The following PADI2 variants were observed in gnomAD, a reference collection of about 807,000 sequenced individuals.
The protein encoded by PADI2 is peptidyl arginine deiminase 2, also known as protein-arginine deiminase type-2.
PADI2 carries 70 observed loss-of-function variants against 81.1 expected under a neutral mutation model. That is an observed-to-expected ratio of 0.86 (90% CI 0.71 to 1.05). The LOEUF is 1.05. PADI2 is among the 50% of genes least tolerant of loss of function. The probability of loss-of-function intolerance (pLI) is 0.00; values close to 1 mark genes in which losing one functional copy is unlikely to be tolerated. For missense variants in PADI2, 853 were observed against 889.9 expected, an observed-to-expected ratio of 0.96 and a Z score of 0.53; for synonymous variants, 338 against 358.0, an observed-to-expected ratio of 0.94 and a Z score of 0.63.
At chr1:17,074,611 G>A (rs887266504) in intron 13 of PADI2, among the ~76,000 whole-genome samples, 2 of 152,120 alleles carry the variant, frequency 1.3e-5, no homozygotes, top group Non-Finnish European at 2.9e-5. Flanking sequence ...TTGAAGATGC[G>A]CTATGCACTG....
intron 4 of PADI2, 131 bp downstream of exon 4, chr1:17,095,778 T>C: frequency 1.5e-6 from 1 of 652,392 alleles, no homozygotes; most frequent in Admixed American, 2.5e-5. Flanking sequence ...ATCATTGGTA[T>C]GCTGTGTGTC....
chr1:17,094,196 G>C (rs957958524), intron 4 of PADI2, among the ~76,000 whole-genome samples: 54 of 152,324 alleles, frequency 3.5e-4, no homozygotes, highest in African/African-American at 1.1e-3. Flanking sequence ...AGCCAGGTCA[G>C]GGGCTCCCAG....
intron 3 of PADI2, among the ~76,000 whole-genome samples, chr1:17,097,639 C>T (rs1036371344): frequency 3.3e-5 from 5 of 152,142 alleles, no homozygotes; most frequent in African/African-American, 4.8e-5. Flanking sequence ...GCATTGCTCT[C>T]GTTTCACAGG....
intron 3 of PADI2, among the ~76,000 whole-genome samples, chr1:17,098,096 C>G (rs557510210): frequency 2.0e-5 from 3 of 152,248 alleles, no homozygotes; most frequent in South Asian, 4.1e-4. Context: ...AAGTGACCAC[C>G]GAAGTTCCCA....
In PADI2 at chr1:17,119,303, G is replaced by C; in HGVS notation, c.69C>G (p.Thr23=). The change falls in exon 1 of 16, where the codon ACC becomes ACG. Residue 23 remains threonine, a synonymous_variant. Transcript: ENST00000375486. This position sits in a 1 kb window ranked among gnomAD's most constrained non-coding sequence, Gnocchi z 4.8. ...SRVEAVYVLG[T]YLWTDVYSAA... ...ACCTGTAGACATCGGTCCAGAGGTA[G>C]GTGCCCAGCACGTACACCGCCTCCA... is the stretch of plus-strand genomic sequence containing the variant. The C allele has an allele frequency of 6.4e-7, 1 of 1,560,116 alleles. No homozygotes were observed. The highest frequency in any genetic ancestry group is 8.7e-7 in the Non-Finnish European group (1 of 1,153,354).
In PADI2 at chr1:17,104,534, AC is replaced by A. The variant is rs1438215254; in HGVS notation, c.276+343del. Among the ~76,000 whole-genome samples the A allele has an allele frequency of 1.3e-3, 173 of 129,634 alleles. 1 individual carries two copies. The highest frequency in any genetic ancestry group is 4.8e-3 in the African/African-American group (165 of 34,514). The allele number at this position is 129,634 out of a possible 152,430, so 85.0% of individuals were successfully genotyped here. A position where few individuals can be genotyped will look rare whatever the true frequency, so the allele number is the denominator to read the frequency against. ...ACTGCAAGCTCCGCCTCCCGGGTTC[AC>A]GCCATTCTCCTGCCTCAGCCTCCCA... On this transcript the variant is annotated intron_variant, in intron 2 of 15. Transcript: ENST00000375486.
In PADI2 at chr1:17,074,884, G is replaced by T; in HGVS notation, c.1521C>A (p.Asp507Glu). ...TGAACATGATGGCCTCTCCATGGCC[G>T]TCCTTCTGCTTCTCTCGGAAGAGCT... ...CYKLFREKQK[D>E]GHGEAIMFKG... Residue 507 changes from aspartate (D) to glutamate (E), a missense_variant, in exon 13 of 16, where the codon GAC becomes GAA. By Grantham distance (45) the Asp-to-Glu change is conservative (BLOSUM62 2). Coordinates refer to ENST00000375486, the MANE Select transcript of PADI2 (RefSeq NM_007365.3). 6.2e-7 allele frequency: 1 copy of T among 1,612,650 alleles called. No homozygotes were observed. The highest frequency in any genetic ancestry group is 8.5e-7 in the Non-Finnish European group (1 of 1,179,264).
chr1:17,075,344 A>G (rs960729220), intron 12 of PADI2: 1 of 339,334 alleles, frequency 2.9e-6, no homozygotes, highest in Non-Finnish European at 5.4e-6. Context: ...CACTAGCCTT[A>G]TGTGACTATT....
At position 17,104,986 on chromosome 1, in the gene PADI2, C is replaced by A. The variant is rs773215948; in HGVS notation, c.168G>T (p.Gly56=). The change falls in exon 2 of 16, where the codon GGG becomes GGT. Residue 56 remains glycine (G), a synonymous_variant. Coordinates refer to ENST00000375486, the MANE Select transcript of PADI2 (RefSeq NM_007365.3). ...EHVWVEVVRD[G]EAEEVATNGK... is the part of the protein sequence containing the mutation. ...CATTGGTGGCCACCTCCTCAGCCTC[C>A]CCATCACGCACCACCTCCACCCACA... 1 of 1,606,682 alleles carries A rather than the reference C, an allele frequency of 6.2e-7. No homozygotes were observed. The highest frequency in any genetic ancestry group is 8.5e-7 in the Non-Finnish European group (1 of 1,177,156).
intron 1 of PADI2, among the ~76,000 whole-genome samples, chr1:17,109,488 GTTTA>G (rs1231640831): frequency 7.1e-6 from 1 of 141,000 alleles, no homozygotes; most frequent in Admixed American, 7.3e-5. Context: ...TACTACTATT[GTTTA>G]TTTATTTATT....
intron 2 of PADI2, 132 bp downstream of exon 2, chr1:17,104,746 T>C: frequency 1.3e-6 from 1 of 784,720 alleles, no homozygotes; most frequent in Non-Finnish European, 1.9e-6. Context: ...TTTTGCCTTT[T>C]CAATGTGGTT....
intron 8 of PADI2, among the ~76,000 whole-genome samples, 158 bp from the exon 9 acceptor site, chr1:17,083,995 T>C (rs2078366694): frequency 6.6e-6 from 1 of 152,074 alleles, no homozygotes; most frequent in South Asian, 2.1e-4. Context: ...GCCGCTGGAA[T>C]CAAAGGCCAA....
intron 1 of PADI2, 96 bp from the exon 2 acceptor site, chr1:17,105,157 T>C: frequency 1.2e-6 from 1 of 847,758 alleles, no homozygotes; most frequent in Non-Finnish European, 1.7e-6. Context: ...CTTTGGGAGG[T>C]CAAAGCCCGA....
chr1:17,117,829 C>T (rs1478927923), intron 1 of PADI2, among the ~76,000 whole-genome samples: 2 of 152,198 alleles, frequency 1.3e-5, no homozygotes, highest in Admixed American at 1.3e-4. Context: ...CACTCCCTAG[C>T]GGTGCCCAGT....
intron 1 of PADI2, among the ~76,000 whole-genome samples, chr1:17,105,636 C>T (rs577579960): frequency 1.4e-3 from 216 of 152,136 alleles, no homozygotes; most frequent in African/African-American, 4.9e-3. Flanking sequence ...TCAGGTGATC[C>T]GCCTGCCTTG....
rs780151901 is a variant in PADI2, at chr1:17,119,403, C to T, written c.-32G>A. The T allele has an allele frequency of 8.1e-6, 12 of 1,486,634 alleles. No individual in the cohort carries two copies. The highest frequency in any genetic ancestry group is 1.1e-5 in the Non-Finnish European group (12 of 1,107,278). 92.1% of individuals were successfully genotyped at this position (1,486,634 alleles called of 1,614,324 possible). ...CGCCGCAGTGCCCGCGCTCGCTGGT[C>T]CGGGGCGGCCGGGAGCACCTGCAGC... is the stretch of plus-strand genomic sequence containing the variant. On this transcript the variant is annotated 5_prime_UTR_variant, in exon 1 of 16. Transcript: ENST00000375486. The surrounding 1 kb of genome is among the most constrained non-coding windows in gnomAD (Gnocchi z 4.8).
chr1:17,093,573 T>C lies in PADI2; in HGVS notation c.523A>G (p.Lys175Glu), dbSNP rs760899377. The part of the protein sequence containing the change: ...EDCRDEKVYS[K>E]EDLKDMSQMI... ...GTGCAGGGCCTGCTGGCACCTTCCT[T>C]GCTGTAGACCTTCTCATCACGGCAG... The change falls in exon 5 of 16, where the codon AAG (lysine) becomes GAG (glutamate). Residue 175 changes from lysine (K) to glutamate (E), a missense_variant. Physicochemically the swap from Lys to Glu is moderately conservative, Grantham distance 56 (BLOSUM62 1). Coordinates refer to ENST00000375486, the MANE Select transcript of PADI2 (RefSeq NM_007365.3). The C allele has an allele frequency of 1.2e-6, 2 of 1,603,180 alleles. No individual in the cohort carries two copies. Among genetic ancestry groups the C allele is most frequent in the Non-Finnish European group, 1.7e-6 (2 of 1,170,560 alleles).
intron 7 of PADI2, among the ~76,000 whole-genome samples, chr1:17,085,480 A>G (rs966048161): frequency 1.3e-5 from 2 of 152,196 alleles, no homozygotes; most frequent in Admixed American, 1.3e-4. Flanking sequence ...CCCGTCCCCT[A>G]TCCTGTTAGC....
chr1:17,083,952 T>C, intron 8 of PADI2, 115 bp from the exon 9 acceptor site: 2 of 703,248 alleles, frequency 2.8e-6, no homozygotes, highest in South Asian at 3.2e-5. Flanking sequence ...GGCAGATCAG[T>C]CTACACCTGT....
Sources: allele counts gnomAD v4.1 joint callset (sites outside exome capture counted in the v4.1 genomes callset), GRCh38; gene constraint gnomAD v4.1.1; non-coding constraint Gnocchi (gnomAD v3.1); transcripts MANE v1.5; gene names NCBI Gene and HGNC (gene_info 2026-07-23, HGNC 2026-07-21).